The following PHYHIPL variants were observed in gnomAD, a reference collection of about 807,000 sequenced individuals.
PHYHIPL encodes phytanoyl-CoA 2-hydroxylase interacting protein like.
A neutral mutation model predicts 33.4 loss-of-function variants in PHYHIPL; 9 were observed. That is an observed-to-expected ratio of 0.27 (90% CI 0.16 to 0.47). The LOEUF is 0.47. PHYHIPL is among the 20% of genes least tolerant of loss of function. PHYHIPL has a pLI of 0.99. For missense variants in PHYHIPL, 365 were observed against 460.7 expected (o/e 0.79, Z 1.90); for synonymous variants, 153 against 154.1 (o/e 0.99, Z 0.05).
rs11006409 is a variant in PHYHIPL at position 59,236,536 on chromosome 10, T to C, written c.357T>C (p.Arg119=). 1 of 1,611,168 alleles carries C rather than the reference T, an allele frequency of 6.2e-7. No individual in the cohort carries two copies. Among genetic ancestry groups the C allele is most frequent in the Non-Finnish European group, 8.5e-7 (1 of 1,178,330 alleles). Reference sequence around the variant, plus strand: ...CTGTTCCCTTGCCTATGACTGTCCGTGGACACTGGTTTTTAAGCCCAAGAA... The same window carrying C: ...CTGTTCCCTTGCCTATGACTGTCCGCGGACACTGGTTTTTAAGCCCAAGAA... ...AKAVPLPMTV[R]GHWFLSPRTE... Residue 119 remains arginine (R), a synonymous_variant, in exon 3 of 5, where the codon CGT becomes CGC. Transcript: ENST00000373880.
chr10:59,245,521 T>TGAG lies in PHYHIPL; in HGVS notation c.1062_1064dup (p.Met354_Ser355insArg). The TGAG allele has an allele frequency of 1.9e-6, 3 of 1,613,952 alleles. No homozygotes were observed. The highest frequency in any genetic ancestry group is 2.5e-6 in the Non-Finnish European group (3 of 1,179,942). On this transcript the variant is annotated inframe_insertion, in exon 5 of 5. Coordinates refer to ENST00000373880, the MANE Select transcript of PHYHIPL (RefSeq NM_032439.4). ...GCAGAAATCACTGGTCATCAGCTCA[T>TGAG]GAGTTTGTCTACTGCAAATGCAAAG...
At chr10:59,223,831 T>A (rs1258842507) in intron 1 of PHYHIPL, among the ~76,000 whole-genome samples, 2 of 151,982 alleles carry the variant, frequency 1.3e-5, no homozygotes, top group East Asian at 3.9e-4. Flanking sequence ...AGCTAATTTT[T>A]GGATTTTTTG....
chr10:59,228,682 T>G (rs958003181), intron 1 of PHYHIPL, among the ~76,000 whole-genome samples: 3 of 152,168 alleles, frequency 2.0e-5, no homozygotes, highest in African/African-American at 4.8e-5. Flanking sequence ...ACTAAAACTT[T>G]AGGAAGGAAA....
intron 1 of PHYHIPL, among the ~76,000 whole-genome samples, chr10:59,217,092 C>A (rs1589281719): frequency 1.3e-5 from 2 of 152,008 alleles, no homozygotes; most frequent in African/African-American, 4.8e-5. Context: ...CTTTTGATAA[C>A]CTTGAGGTGT....
At chr10:59,213,912 AG>A (rs955828664) in intron 1 of PHYHIPL, among the ~76,000 whole-genome samples, 5 of 152,264 alleles carry the variant, frequency 3.3e-5, no homozygotes, top group Admixed American at 2.0e-4. Flanking sequence ...TACGACCACT[AG>A]TGGCATTGTC....
intron 1 of PHYHIPL, among the ~76,000 whole-genome samples, chr10:59,208,195 GC>G (rs1475714290): frequency 6.6e-6 from 1 of 152,180 alleles, no homozygotes; most frequent in Non-Finnish European, 1.5e-5. Flanking sequence ...TCTGGCGGAT[GC>G]CCTTCTGGGA....
chr10:59,177,499 C>G, intron 1 of PHYHIPL: 1 of 1,550,478 alleles, frequency 6.4e-7, no homozygotes, highest in Admixed American at 2.0e-5. Flanking sequence ...AGTGAGGGCG[C>G]AGAAAAACAG....
rs563462614 is a variant in PHYHIPL at position 59,210,005 on chromosome 10, G to A, written c.107-24299G>A. ...AAAGAAACCTAGGCAATACCATTCA[G>A]GACACAGGCATGGGCAAGGACTTCA... is the stretch of plus-strand genomic sequence containing the variant. On this transcript the variant is annotated intron_variant, in intron 1 of 4. Coordinates refer to ENST00000373880, the MANE Select transcript of PHYHIPL (RefSeq NM_032439.4). 1.5e-3 allele frequency among the ~76,000 whole-genome samples: 235 copies of A among 152,238 alleles called. 2 individuals carry two copies. Among genetic ancestry groups the A allele is most frequent in the East Asian group, 3.5e-3 (18 of 5,182 alleles).
chr10:59,178,495 G>A (rs1838317532), intron 1 of PHYHIPL, among the ~76,000 whole-genome samples: 1 of 152,206 alleles, frequency 6.6e-6, no homozygotes, highest in South Asian at 2.1e-4. Context: ...ATGACTTTTT[G>A]TAATGTAACC....
chr10:59,213,136 T>C (rs2452508), intron 1 of PHYHIPL, among the ~76,000 whole-genome samples: 145,074 of 151,978 alleles, frequency 0.95, 69,613 homozygotes, highest in East Asian at 1. Flanking sequence ...TATAAGGAGC[T>C]GGTAAATATA....
At chr10:59,190,555 T>C (rs1415055157) in intron 1 of PHYHIPL, among the ~76,000 whole-genome samples, 1 of 151,912 alleles carries the variant, frequency 6.6e-6, no homozygotes, top group African/African-American at 2.4e-5. Context: ...GAACAGTTGA[T>C]TTATTTTCCT....
At chr10:59,180,103 A>C (rs1487427474) in intron 1 of PHYHIPL, among the ~76,000 whole-genome samples, 1 of 151,642 alleles carries the variant, frequency 6.6e-6, no homozygotes, top group Non-Finnish European at 1.5e-5. Context: ...AAAATGAAAG[A>C]GAAAATTTCT....
At chr10:59,235,252 T>C (rs1840189241) in intron 2 of PHYHIPL, among the ~76,000 whole-genome samples, 1 of 151,854 alleles carries the variant, frequency 6.6e-6, no homozygotes, top group Admixed American at 6.6e-5. Flanking sequence ...AATTATTAAC[T>C]TTTAAATGTT....
intron 1 of PHYHIPL, among the ~76,000 whole-genome samples, chr10:59,205,167 T>C (rs1185014214): frequency 6.6e-6 from 1 of 152,206 alleles, no homozygotes; most frequent in Non-Finnish European, 1.5e-5. Context: ...ATAAAGTTTT[T>C]AAAAGAACAT....
chr10:59,242,156 T>C (rs1410045173), intron 4 of PHYHIPL, among the ~76,000 whole-genome samples: 1 of 152,164 alleles, frequency 6.6e-6, no homozygotes, highest in Non-Finnish European at 1.5e-5. Context: ...ATAGGGAGCC[T>C]GGATTTTCCA....
intron 1 of PHYHIPL, among the ~76,000 whole-genome samples, chr10:59,180,770 T>G (rs554719717): frequency 1.3e-5 from 2 of 152,198 alleles, no homozygotes; most frequent in African/African-American, 2.4e-5. Context: ...ATAAGTCAAT[T>G]AAGACCTCAC....
chr10:59,229,673 C>CA (rs11379605), intron 1 of PHYHIPL, among the ~76,000 whole-genome samples: 27,413 of 150,434 alleles, frequency 0.18, 2,986 homozygotes, highest in African/African-American at 0.29. Context: ...AATTCATAGA[C>CA]AAAAAAAATA....
rs144658205 is a variant in PHYHIPL, at chr10:59,183,710, C to T, written c.106+6751C>T. 1,127 of 982,138 alleles carry T rather than the reference C, an allele frequency of 1.1e-3. 9 individuals carry two copies. The African/African-American group carries it at 0.018, about 16-fold the overall frequency. 60.8% of individuals were successfully genotyped at this position (982,138 alleles called of 1,614,324 possible). Reference sequence around the variant, plus strand: ...CCAAGAACGTCATACTTGGAATTGTCGTTAGTTTTGTTTGTTATGTTATGA... The same window carrying T: ...CCAAGAACGTCATACTTGGAATTGTTGTTAGTTTTGTTTGTTATGTTATGA... On this transcript the variant is annotated intron_variant, in intron 1 of 4. Transcript: ENST00000373880.
intron 1 of PHYHIPL, among the ~76,000 whole-genome samples, chr10:59,185,200 C>T (rs1422047483): frequency 0.014 from 2,014 of 146,962 alleles, 32 homozygotes; most frequent in African/African-American, 0.049. Context: ...CCGTTTTAGC[C>T]GGGATGGTCT....
Sources: gnomAD v4.1 joint callset for allele counts (sites outside exome capture counted in the v4.1 genomes callset) on GRCh38, gnomAD v4.1.1 for gene constraint, MANE v1.5 for transcripts, NCBI Gene and HGNC (gene_info 2026-07-23, HGNC 2026-07-21) for gene names.